The following RABGAP1L variants were observed in gnomAD, a reference collection of about 807,000 sequenced individuals.
RABGAP1L encodes rab GTPase-activating protein 1-like.
RABGAP1L carries 63 observed loss-of-function variants against 137.7 expected under a neutral mutation model. That is an observed-to-expected ratio of 0.46 (90% CI 0.37 to 0.56). RABGAP1L has a LOEUF of 0.56. Ranked by LOEUF, RABGAP1L falls within the 20% of genes least tolerant of loss-of-function variation. RABGAP1L has a pLI of 0.00. For missense variants in RABGAP1L, 1,095 were observed against 1,244.0 expected (o/e 0.88, Z 1.80); for synonymous variants, 431 against 433.7 (o/e 0.99, Z 0.08).
intron 14 of RABGAP1L, among the ~76,000 whole-genome samples, chr1:174,641,769 G>C (rs1260253726): frequency 6.6e-6 from 1 of 152,112 alleles, no homozygotes; most frequent in Non-Finnish European, 1.5e-5. Context: ...TAAGGGTGTG[G>C]TGTCATAAGA....
rs375581754 is a variant in RABGAP1L, at chr1:174,252,384, G to A, written c.876-96G>A. ...ATATCTTAAGAATAAGGGTGTTGTT[G>A]CTTAAATACTTTGTTGTTTTGTTCT... On this transcript the variant is annotated intron_variant, in intron 6 of 25. Transcript: ENST00000681986. 4.2e-5 allele frequency: 61 copies of A among 1,444,324 alleles called. 1 individual carries two copies. The East Asian group carries it at 1.0e-3, about 24-fold the overall frequency. 89.5% of individuals were successfully genotyped at this position (1,444,324 alleles called of 1,614,324 possible).
intron 24 of RABGAP1L, among the ~76,000 whole-genome samples, chr1:174,987,149 G>A (rs1671656448): frequency 6.6e-6 from 1 of 152,136 alleles, no homozygotes; most frequent in South Asian, 2.1e-4. Context: ...AATGGCAAGA[G>A]CTCAGACATG....
chr1:174,488,796 A>T (rs912547049), intron 13 of RABGAP1L, among the ~76,000 whole-genome samples: 2 of 151,760 alleles, frequency 1.3e-5, no homozygotes, highest in Admixed American at 6.6e-5. Flanking sequence ...TTTAAGTTCT[A>T]GGGTACATGT....
intron 18 of RABGAP1L, among the ~76,000 whole-genome samples, chr1:174,776,657 T>C (rs1457204737): frequency 6.6e-6 from 1 of 152,198 alleles, no homozygotes; most frequent in Non-Finnish European, 1.5e-5. Context: ...ATCTTCTCAT[T>C]TATTTGTTTA....
At chr1:174,983,036 A>G (rs1340683158) in intron 24 of RABGAP1L, 131 bp downstream of exon 24, 1 of 937,646 alleles carries the variant, frequency 1.1e-6, no homozygotes, top group East Asian at 2.8e-5. Context: ...AGACTAGGAT[A>G]CCTCTCTTCT....
At chr1:174,571,727 G>A (rs77989095) in intron 13 of RABGAP1L, among the ~76,000 whole-genome samples, 1,761 of 152,176 alleles carry the variant, frequency 0.012, 35 homozygotes, top group African/African-American at 0.041. Context: ...TATACAGTCT[G>A]AATTTGTGCA....
chr1:174,814,384 T>C (rs1428989026), intron 19 of RABGAP1L, among the ~76,000 whole-genome samples: 1 of 152,164 alleles, frequency 6.6e-6, no homozygotes, highest in African/African-American at 2.4e-5. Flanking sequence ...TTCTTGGATA[T>C]TTAAGACGGT....
At chr1:174,543,404 C>G (rs1218555693) in intron 13 of RABGAP1L, among the ~76,000 whole-genome samples, 2 of 151,772 alleles carry the variant, frequency 1.3e-5, no homozygotes, top group East Asian at 1.9e-4. Flanking sequence ...TTATCAGAGA[C>G]TAGGATTGCA....
intron 11 of RABGAP1L, among the ~76,000 whole-genome samples, chr1:174,325,564 A>G (rs1329104594): frequency 2.0e-5 from 3 of 152,222 alleles, no homozygotes; most frequent in East Asian, 1.9e-4. Flanking sequence ...GCCTCTTTCT[A>G]CAAGCCATTA....
chr1:174,759,204 AT>A (rs1685013272), intron 18 of RABGAP1L, among the ~76,000 whole-genome samples: 1 of 152,018 alleles, frequency 6.6e-6, no homozygotes, highest in Non-Finnish European at 1.5e-5. Flanking sequence ...AAAGATAGTA[AT>A]TAAACAAATA....
At chr1:174,404,714 G>A (rs1431781316) in intron 13 of RABGAP1L, among the ~76,000 whole-genome samples, 3 of 151,972 alleles carry the variant, frequency 2.0e-5, no homozygotes, top group African/African-American at 4.8e-5. Context: ...AAAAAATATC[G>A]ATTGACTAAA....
chr1:174,634,813 C>T (rs1349898483), intron 13 of RABGAP1L, among the ~76,000 whole-genome samples: 1 of 145,530 alleles, frequency 6.9e-6, no homozygotes, highest in Non-Finnish European at 1.5e-5. Flanking sequence ...TATTCTCCCT[C>T]ATAGGTGGGA....
intron 13 of RABGAP1L, among the ~76,000 whole-genome samples, chr1:174,590,493 CT>C (rs1401331452): frequency 3.3e-5 from 3 of 91,566 alleles, no homozygotes; most frequent in African/African-American, 1.7e-4. Flanking sequence ...AATGCTATCC[CT>C]CCCCCCTCCC....
chr1:174,610,684 A>G (rs969100088), intron 13 of RABGAP1L, among the ~76,000 whole-genome samples: 27 of 152,140 alleles, frequency 1.8e-4, no homozygotes, highest in South Asian at 6.2e-4. Context: ...GTGTAAAAGT[A>G]TTCCTATTTC....
At chr1:174,181,610 T>G (rs1489901941) in intron 1 of RABGAP1L, among the ~76,000 whole-genome samples, 1 of 152,172 alleles carries the variant, frequency 6.6e-6, no homozygotes, top group East Asian at 1.9e-4. Context: ...GTGTTGGGAT[T>G]ACAGGCGTGA....
chr1:174,185,579 T>C (rs1008202671), intron 1 of RABGAP1L, among the ~76,000 whole-genome samples: 6 of 152,218 alleles, frequency 3.9e-5, no homozygotes, highest in Non-Finnish European at 8.8e-5. Flanking sequence ...CTTCTCCCTA[T>C]ACATTGTTTA....
intron 11 of RABGAP1L, among the ~76,000 whole-genome samples, chr1:174,341,958 G>A (rs931660253): frequency 6.6e-6 from 1 of 152,108 alleles, no homozygotes; most frequent in Non-Finnish European, 1.5e-5. Flanking sequence ...TACTTGAAGG[G>A]TCAGTGGAGC....
intron 13 of RABGAP1L, among the ~76,000 whole-genome samples, chr1:174,534,965 A>G (rs990005758): frequency 6.6e-6 from 1 of 152,136 alleles, no homozygotes; most frequent in Non-Finnish European, 1.5e-5. Context: ...ATTAGTGTAT[A>G]CAGTGTGGTT....
At chr1:174,779,729 A>T (rs535051382) in intron 18 of RABGAP1L, among the ~76,000 whole-genome samples, 1 of 152,150 alleles carries the variant, frequency 6.6e-6, no homozygotes, top group Non-Finnish European at 1.5e-5. Flanking sequence ...TTAATTGTTT[A>T]TATGGTAAAT....
Sources: gnomAD v4.1 joint callset for allele counts (sites outside exome capture counted in the v4.1 genomes callset) on GRCh38, gnomAD v4.1.1 for gene constraint, MANE v1.5 for transcripts, NCBI Gene and HGNC (gene_info 2026-07-23, HGNC 2026-07-21) for gene names.